Variants in SLC11A2 observed in about 807,000 individuals in gnomAD.
The protein encoded by SLC11A2 is solute carrier family 11 member 2.
In SLC11A2, 38 loss-of-function variants were observed where a neutral mutation model predicts 68.0. That is an observed-to-expected ratio of 0.56 (90% CI 0.43 to 0.73). The LOEUF is 0.73. Among genes scored for constraint, SLC11A2 ranks in the 30% least tolerant of loss-of-function variants. The pLI is 0.00. For missense variants in SLC11A2, 517 were observed against 690.5 expected, an observed-to-expected ratio of 0.75 and a Z score of 2.82; for synonymous variants, 242 against 250.6, an observed-to-expected ratio of 0.97 and a Z score of 0.32.
downstream of SLC11A2, among the ~76,000 whole-genome samples, chr12:50,975,059 C>A (rs1328614537): frequency 6.6e-6 from 1 of 152,168 alleles, no homozygotes; most frequent in African/African-American, 2.4e-5. Context: ...TAACACCCGA[C>A]TGTCAACATT....
intron 3 of SLC11A2, chr12:51,005,959 TCCC>T: frequency 3.3e-6 from 1 of 299,770 alleles, no homozygotes; most frequent in Non-Finnish European, 6.5e-6. Flanking sequence ...CTCATTATAC[TCCC>T]GTCCCTTTGG....
the SLC11A2 span, among the ~76,000 whole-genome samples, chr12:50,970,713 T>C: frequency 1.3e-5 from 2 of 152,204 alleles, no homozygotes; most frequent in Admixed American, 1.3e-4. Context: ...TGTTAATGTC[T>C]TTCAGAACCT....
the SLC11A2 span, among the ~76,000 whole-genome samples, chr12:50,961,768 T>A: frequency 1.3e-5 from 2 of 152,180 alleles, no homozygotes; most frequent in Non-Finnish European, 2.9e-5. Context: ...CACAATACTC[T>A]TAAGTCCCCT....
chr12:51,018,960 TC>T (rs1029301404), intron 1 of SLC11A2, among the ~76,000 whole-genome samples: 5 of 152,292 alleles, frequency 3.3e-5, no homozygotes, highest in African/African-American at 7.2e-5. Context: ...TCCTTTTTTT[TC>T]ATCACCTTCC....
chr12:51,025,945 C>T (rs745628048), intron 1 of SLC11A2: 2 of 999,110 alleles, frequency 2.0e-6, no homozygotes, highest in Non-Finnish European at 2.4e-6. Context: ...TGCCCGTCGG[C>T]CTCTTTCGAG....
intron 1 of SLC11A2, among the ~76,000 whole-genome samples, chr12:51,021,948 G>T (rs1944072498): frequency 1.3e-5 from 2 of 152,060 alleles, no homozygotes; most frequent in South Asian, 2.1e-4. Context: ...ATCAACCAGA[G>T]ACATCAGAAT....
downstream of SLC11A2, among the ~76,000 whole-genome samples, chr12:50,974,732 A>C (rs570456511): frequency 6.6e-6 from 1 of 152,300 alleles, no homozygotes; most frequent in South Asian, 2.1e-4. Flanking sequence ...AGTGTGCTAT[A>C]TTCAGGAAAC....
chr12:50,973,313 C>G, the SLC11A2 span, among the ~76,000 whole-genome samples: 8 of 152,174 alleles, frequency 5.3e-5, no homozygotes, highest in Non-Finnish European at 1.0e-4. Context: ...AACGATCAGG[C>G]AGCAACATTT....
rs2136280401 is a variant in SLC11A2 at position 51,004,862 on chromosome 12, G to A, written c.355C>T (p.Gln119Ter). 6.2e-7 allele frequency: 1 copy of A among 1,614,090 alleles called. No homozygotes were observed. Among genetic ancestry groups the A allele is most frequent in the East Asian group, 2.2e-5 (1 of 44,872 alleles). The change falls in exon 5 of 16, where the codon CAG becomes TAG. Residue 119 changes from glutamine to a stop codon, truncating the protein, a stop_gained. Transcript: ENST00000262052. LOFTEE classifies it high-confidence loss of function. The part of the protein sequence containing the change: ...LLATLVGLLL[Q>*]RLAARLGVVT... ...ACTCCCAGTCTAGCTGCAAGCCGCT[G>A]GAGCAGCAGCCCCACAAGGGTGGCC... is the stretch of plus-strand genomic sequence containing the variant.
At chr12:50,970,518 T>C in the SLC11A2 span, 8 of 1,492,590 alleles carry the variant, frequency 5.4e-6, no homozygotes, top group African/African-American at 9.8e-5. Context: ...GCTTACATGC[T>C]GGAAGCAAGA....
At chr12:51,026,520 TGCGGCGGCCCCTGGGGCAC>T (rs61078145), upstream of SLC11A2, 8,386 of 432,564 alleles carry the variant, frequency 0.019, 705 homozygotes, top group African/African-American at 0.17. Flanking sequence ...GGAGTCTGGA[TGCGGCGGCCCCTGGGGCAC>T]GCGGCGGCCC....
At chr12:51,021,306 T>C (rs367620721) in intron 1 of SLC11A2, among the ~76,000 whole-genome samples, 2 of 152,142 alleles carry the variant, frequency 1.3e-5, no homozygotes, top group African/African-American at 4.8e-5. Flanking sequence ...ATCTCAAAAT[T>C]GGAGACATCC....
Position 50,990,888 on chromosome 12 carries a change from A to C in SLC11A2, c.1482T>G (p.Phe494Leu). The change falls in exon 15 of 16, where the codon TTT becomes TTG. Residue 494 changes from phenylalanine to leucine, a missense_variant. Transcript: ENST00000262052. ...CTAGGTCCCGGACATAAACCACTAC[A>C]AAGTACATATTGATGGAACAGATGA... ...VLIICSINMY[F>L]VVVYVRDLGH... 6.2e-7 allele frequency: 1 copy of C among 1,614,036 alleles called. No individual in the cohort carries two copies. Among genetic ancestry groups the C allele is most frequent in the Non-Finnish European group, 8.5e-7 (1 of 1,179,910 alleles).
At chr12:50,999,296 A>T (rs1942003587) in intron 7 of SLC11A2, 49 bp downstream of exon 7, 1 of 1,608,202 alleles carries the variant, frequency 6.2e-7, no homozygotes, top group African/African-American at 1.3e-5. Flanking sequence ...CCCATCTGCC[A>T]CATGACAGAG....
intron 5 of SLC11A2, among the ~76,000 whole-genome samples, chr12:51,001,287 G>A (rs1942200346): frequency 6.6e-6 from 1 of 151,804 alleles, no homozygotes; most frequent in Non-Finnish European, 1.5e-5. Context: ...TGGGCAACAT[G>A]GCAAAACCCC....
At chr12:51,020,552 T>C (rs1002492057) in intron 1 of SLC11A2, among the ~76,000 whole-genome samples, 2 of 152,128 alleles carry the variant, frequency 1.3e-5, no homozygotes, top group Non-Finnish European at 2.9e-5. Flanking sequence ...GTTTATAAAG[T>C]ACAAACAGAG....
chr12:50,952,970 A>G, the SLC11A2 span, among the ~76,000 whole-genome samples: 2 of 152,190 alleles, frequency 1.3e-5, no homozygotes, highest in Non-Finnish European at 2.9e-5. Context: ...AGACTTAAGC[A>G]AATGCATCTT....
At chr12:51,023,871 C>T (rs1472414514) in intron 1 of SLC11A2, among the ~76,000 whole-genome samples, 1 of 152,048 alleles carries the variant, frequency 6.6e-6, no homozygotes, top group Non-Finnish European at 1.5e-5. Flanking sequence ...TGCACTTGTA[C>T]TCCCAGCTAC....
At chr12:50,977,757 G>C (rs1939867992), downstream of SLC11A2, among the ~76,000 whole-genome samples, 1 of 151,938 alleles carries the variant, frequency 6.6e-6, no homozygotes, top group Admixed American at 6.6e-5. Context: ...TCTGACAAAG[G>C]GCTAATATCC....
Sources: gnomAD v4.1 joint callset for allele counts (sites outside exome capture counted in the v4.1 genomes callset) on GRCh38, gnomAD v4.1.1 for gene constraint, MANE v1.5 for transcripts, NCBI Gene and HGNC (gene_info 2026-07-23, HGNC 2026-07-21) for gene names.